MYO6: variants seen among roughly 807,000 people sequenced by gnomAD.
MYO6 encodes myosin VI.
A neutral mutation model predicts 178.7 loss-of-function variants in MYO6; 74 were observed. The observed-to-expected ratio is 0.41, with a 90% CI of 0.34 to 0.50. The LOEUF (loss-of-function observed/expected upper bound fraction) is 0.50. Ranked by LOEUF, MYO6 falls within the 20% of genes least tolerant of loss-of-function variation. The pLI, the probability that MYO6 is intolerant of heterozygous loss-of-function variation, is 0.09. For synonymous variants in MYO6, 477 were observed against 504.6 expected, an observed-to-expected ratio of 0.95 and a Z score of 0.73; for missense variants, 1,330 against 1,547.4, an observed-to-expected ratio of 0.86 and a Z score of 2.36.
At position 75,907,698 on chromosome 6, in the gene MYO6, T is replaced by C. The variant is rs139395133; in HGVS notation, c.3270T>C (p.Asn1090=). ...WKYAELRDTI[N]TSCDIELLAA... ...ATGCAGAACTACGTGATACCATCAATACTTCTTGTGGTAAGTGTTTGGAGA... is the reference window on the plus strand; with the variant it reads ...ATGCAGAACTACGTGATACCATCAACACTTCTTGTGGTAAGTGTTTGGAGA... The change falls in exon 31 of 35, where the codon AAT becomes AAC. Residue 1090 remains asparagine (N), a synonymous_variant. Transcript: ENST00000369977. The C allele has an allele frequency of 8.7e-6, 14 of 1,608,020 alleles. No homozygotes were observed. Among genetic ancestry groups the C allele is most frequent in the Middle Eastern group, 1.7e-4 (1 of 6,050 alleles).
At chr6:75,876,263 G>T (rs910509618) in intron 20 of MYO6, among the ~76,000 whole-genome samples, 6 of 152,044 alleles carry the variant, frequency 3.9e-5, no homozygotes, top group Non-Finnish European at 7.4e-5. Flanking sequence ...ATACATATTT[G>T]TATAATTATT....
chr6:75,765,641 A>C (rs1291497584), intron 1 of MYO6, among the ~76,000 whole-genome samples: 1 of 152,086 alleles, frequency 6.6e-6, no homozygotes, highest in Non-Finnish European at 1.5e-5. Flanking sequence ...CCACCTACTC[A>C]GGAGGCTGAG....
intron 1 of MYO6, among the ~76,000 whole-genome samples, chr6:75,800,400 C>T (rs1387220162): frequency 6.6e-6 from 1 of 152,078 alleles, no homozygotes; most frequent in Non-Finnish European, 1.5e-5. Context: ...AATGTATTTT[C>T]AGTATTTCAC....
At chr6:75,895,965 T>C (rs778174290) in intron 29 of MYO6, among the ~76,000 whole-genome samples, 1 of 152,190 alleles carries the variant, frequency 6.6e-6, no homozygotes, top group African/African-American at 2.4e-5. Context: ...TGAAATTGTA[T>C]ATGTAGTGCT....
chr6:75,797,914 A>G (rs1366152261), intron 1 of MYO6, among the ~76,000 whole-genome samples: 1 of 152,348 alleles, frequency 6.6e-6, no homozygotes, highest in South Asian at 2.1e-4. Context: ...CCAACAGTAT[A>G]TAAGCATTCT....
chr6:75,889,011 C>T (rs937394777), intron 25 of MYO6, among the ~76,000 whole-genome samples: 3 of 152,004 alleles, frequency 2.0e-5, no homozygotes, highest in Non-Finnish European at 4.4e-5. Flanking sequence ...CATATCTTCT[C>T]ATTATATTTT....
intron 2 of MYO6, among the ~76,000 whole-genome samples, chr6:75,819,490 T>C (rs927561516): frequency 8.5e-5 from 13 of 152,160 alleles, no homozygotes; most frequent in Non-Finnish European, 1.9e-4. Context: ...GGAAGTACAG[T>C]GGAAGTGTAG....
At chr6:75,913,981 T>A in intron 33 of MYO6, 82 bp from the exon 34 acceptor site, 2 of 1,237,478 alleles carry the variant, frequency 1.6e-6, no homozygotes, top group Non-Finnish European at 2.3e-6. Context: ...TTTTAAAAAA[T>A]TATTGGGGTA....
At chr6:75,888,140 G>A (rs891838800) in intron 25 of MYO6, among the ~76,000 whole-genome samples, 5 of 151,512 alleles carry the variant, frequency 3.3e-5, no homozygotes, top group African/African-American at 1.2e-4. Context: ...AAATACCAAA[G>A]TTAGCCAGGT....
chr6:75,906,378 G>A (rs1270967386), intron 30 of MYO6, among the ~76,000 whole-genome samples: 1 of 152,106 alleles, frequency 6.6e-6, no homozygotes, highest in Admixed American at 6.6e-5. Context: ...CAAATTATAT[G>A]CATAAAAGTC....
At chr6:75,833,137 C>G (rs1583220350) in intron 6 of MYO6, among the ~76,000 whole-genome samples, 190 bp downstream of exon 6, 1 of 152,160 alleles carries the variant, frequency 6.6e-6, no homozygotes, top group East Asian at 1.9e-4. Context: ...TAGGCACATG[C>G]CACCATGCCC....
chr6:75,865,667 A>G (rs1776603586), intron 16 of MYO6, among the ~76,000 whole-genome samples: 1 of 151,964 alleles, frequency 6.6e-6, no homozygotes, highest in African/African-American at 2.4e-5. Flanking sequence ...ACCTAGCCCA[A>G]CATCACTTTT....
chr6:75,816,809 T>C (rs1771296470), intron 1 of MYO6, among the ~76,000 whole-genome samples: 1 of 152,198 alleles, frequency 6.6e-6, no homozygotes, highest in South Asian at 2.1e-4. Context: ...CCTATGACTA[T>C]TTAATTTATT....
intron 1 of MYO6, among the ~76,000 whole-genome samples, chr6:75,781,866 C>T (rs933370712): frequency 1.4e-5 from 2 of 143,132 alleles, no homozygotes; most frequent in Non-Finnish European, 1.5e-5. Context: ...TGCAGTGAGC[C>T]GAGATCGCGC....
Position 75,915,359 on chromosome 6 carries a change from C to T in MYO6, c.*347C>T. The T allele has an allele frequency of 5.7e-6, 2 of 348,114 alleles. No individual in the cohort carries two copies. Among genetic ancestry groups the T allele is most frequent in the South Asian group, 5.1e-5 (2 of 39,562 alleles). 21.6% of individuals were successfully genotyped at this position (348,114 alleles called of 1,614,324 possible). ...AGAACTTTTTTCAAAATTCAAAATA[C>T]TTTTTAAGGATGGCACAGTACCATA... On this transcript the variant is annotated 3_prime_UTR_variant, in exon 35 of 35. Transcript: ENST00000369977.
chr6:75,856,920 C>A (rs1161892209), intron 12 of MYO6, among the ~76,000 whole-genome samples, 177 bp from the exon 13 acceptor site: 2 of 151,906 alleles, frequency 1.3e-5, no homozygotes, highest in East Asian at 3.9e-4. Flanking sequence ...TTAGGTAATT[C>A]CATTAGTTTT....
intron 1 of MYO6, among the ~76,000 whole-genome samples, chr6:75,802,545 A>T (rs9360941): frequency 1.3e-5 from 2 of 148,278 alleles, no homozygotes; most frequent in Non-Finnish European, 3.0e-5. Context: ...GTGTAGTGGC[A>T]TGATCATGAC....
At chr6:75,881,081 A>G (rs980215105) in intron 22 of MYO6, among the ~76,000 whole-genome samples, 2 of 152,108 alleles carry the variant, frequency 1.3e-5, no homozygotes, top group African/African-American at 2.4e-5. Flanking sequence ...GCAAAACCTC[A>G]TCTCTACAAA....
At chr6:75,777,161 T>C (rs1220121836) in intron 1 of MYO6, among the ~76,000 whole-genome samples, 2 of 152,160 alleles carry the variant, frequency 1.3e-5, no homozygotes, top group Non-Finnish European at 2.9e-5. Flanking sequence ...TTTTCATAAC[T>C]GTGATGGATG....
Sources: allele counts gnomAD v4.1 joint callset (sites outside exome capture counted in the v4.1 genomes callset), GRCh38; gene constraint gnomAD v4.1.1; transcripts MANE v1.5; gene names NCBI Gene and HGNC (gene_info 2026-07-23, HGNC 2026-07-21).